The following SOX5 variants were observed in gnomAD, a reference collection of about 807,000 sequenced individuals.
The protein encoded by SOX5 is transcription factor SOX-5.
Under a neutral mutation model 92.0 loss-of-function variants are expected in SOX5, and 9 were observed. That is an observed-to-expected ratio of 0.10 (90% CI 0.06 to 0.17). The LOEUF (loss-of-function observed/expected upper bound fraction) is 0.17, where lower values mean the gene tolerates loss of function less well. SOX5 is among the 10% of genes least tolerant of loss of function. The probability of loss-of-function intolerance (pLI) is 1.00; values close to 1 mark genes in which losing one functional copy is unlikely to be tolerated. For synonymous variants in SOX5, 344 were observed against 336.3 expected (o/e 1.02, Z -0.25); for missense variants, 642 against 944.5 (o/e 0.68, Z 4.20).
intron 13 of SOX5, among the ~76,000 whole-genome samples, chr12:23,538,737 G>C (rs967177227): frequency 6.6e-6 from 1 of 150,684 alleles, no homozygotes; most frequent in African/African-American, 2.4e-5. Flanking sequence ...AAGGATGGTT[G>C]ATCTAATATA....
chr12:23,600,301 T>G (rs759467356), intron 9 of SOX5, among the ~76,000 whole-genome samples: 1 of 151,896 alleles, frequency 6.6e-6, no homozygotes, highest in Non-Finnish European at 1.5e-5. Flanking sequence ...GCTAGAATAA[T>G]ATCTGCGAAG....
chr12:23,762,699 T>G (rs551212084), intron 3 of SOX5: 2 of 444,858 alleles, frequency 4.5e-6, no homozygotes, highest in Non-Finnish European at 8.0e-6. Flanking sequence ...ACTTAAATCA[T>G]TAGTCATAGG....
intron 1 of SOX5, among the ~76,000 whole-genome samples, chr12:24,446,472 T>A (rs1342572966): frequency 6.6e-6 from 1 of 152,146 alleles, no homozygotes; most frequent in Non-Finnish European, 1.5e-5. Flanking sequence ...AAAATCAGCA[T>A]ATGGCTAAAA....
intron 1 of SOX5, among the ~76,000 whole-genome samples, chr12:24,507,312 A>G (rs1948890584): frequency 6.6e-6 from 1 of 151,876 alleles, no homozygotes; most frequent in Admixed American, 6.6e-5. Context: ...AGGTAGGTAG[A>G]TGGATGGATA....
At position 24,250,046 on chromosome 12, in the gene SOX5, G is replaced by T. The variant is rs1939717932; in HGVS notation, c.-77+27170C>A. Among the ~76,000 whole-genome samples the T allele has an allele frequency of 2.0e-5, 3 of 152,166 alleles. No homozygotes were observed. In the South Asian group the frequency reaches 6.2e-4, roughly 31 times the overall value. On this transcript the variant is annotated intron_variant, in intron 3 of 4. Coordinates refer to the SOX5 transcript ENST00000446891. ...CTGCCATTACATTCAGTGAATGAGA[G>T]AAATCATAATACTAAGGAAACAATA...
At chr12:23,756,441 A>G (rs1212817010) in intron 3 of SOX5, among the ~76,000 whole-genome samples, 1 of 151,894 alleles carries the variant, frequency 6.6e-6, no homozygotes, top group Non-Finnish European at 1.5e-5. Context: ...TTGTTTCTAC[A>G]TATAACATAG....
intron 4 of SOX5, among the ~76,000 whole-genome samples, chr12:24,035,266 A>G (rs1955911350): frequency 6.6e-6 from 1 of 152,068 alleles, no homozygotes; most frequent in Non-Finnish European, 1.5e-5. Flanking sequence ...GTCCTTTTAT[A>G]TGGATTTACT....
chr12:24,502,852 C>G (rs140601775), intron 1 of SOX5, among the ~76,000 whole-genome samples: 1 of 152,164 alleles, frequency 6.6e-6, no homozygotes, highest in East Asian at 1.9e-4. Context: ...ATCAATTTTA[C>G]GGTATTCTGG....
At chr12:24,301,362 C>T (rs1049575557) in intron 2 of SOX5, among the ~76,000 whole-genome samples, 1 of 152,174 alleles carries the variant, frequency 6.6e-6, no homozygotes, top group East Asian at 1.9e-4. Flanking sequence ...TCAGTGGATA[C>T]ATCTAACAAT....
chr12:24,306,671 C>T (rs1489142259), intron 2 of SOX5, among the ~76,000 whole-genome samples: 2 of 152,110 alleles, frequency 1.3e-5, no homozygotes, highest in African/African-American at 4.8e-5. Context: ...GGAGCATTTT[C>T]CTCTCACATC....
At chr12:23,772,471 A>G (rs138965063) in intron 3 of SOX5, among the ~76,000 whole-genome samples, 2 of 152,332 alleles carry the variant, frequency 1.3e-5, no homozygotes, top group East Asian at 3.9e-4. Context: ...TATTTGAAAT[A>G]CGTGTATGTC....
At chr12:24,428,429 A>G (rs1357263617) in intron 1 of SOX5, among the ~76,000 whole-genome samples, 1 of 152,156 alleles carries the variant, frequency 6.6e-6, no homozygotes, top group Non-Finnish European at 1.5e-5. Flanking sequence ...CATAGCAAAG[A>G]TCAACTAGAC....
chr12:24,269,567 G>A (rs1943430976), intron 3 of SOX5, among the ~76,000 whole-genome samples: 1 of 151,994 alleles, frequency 6.6e-6, no homozygotes, highest in South Asian at 2.1e-4. Context: ...ATTTTTAACA[G>A]AGAAGTACTC....
chr12:23,594,182 G>A (rs1169693910), intron 9 of SOX5, among the ~76,000 whole-genome samples: 1 of 151,836 alleles, frequency 6.6e-6, no homozygotes, highest in East Asian at 1.9e-4. Flanking sequence ...GCGAAAACCT[G>A]CTGATGAAAT....
At chr12:24,236,053 G>A (rs532627469) in intron 3 of SOX5, among the ~76,000 whole-genome samples, 70 of 152,078 alleles carry the variant, frequency 4.6e-4, no homozygotes, top group South Asian at 2.7e-3. Flanking sequence ...TTAGCCGGGC[G>A]TGGTGGCGGG....
At chr12:23,966,203 CAAAAAAAAAAAAAAAAAAAAAAAAA>C (rs869143890) in intron 4 of SOX5, among the ~76,000 whole-genome samples, 9 of 57,336 alleles carry the variant, frequency 1.6e-4, no homozygotes, top group Admixed American at 1.0e-3. Flanking sequence ...ACTCAATATC[CAAAAAAAAAAAAAAAAAAAAAAAAA>C]AAAAAAAAAA....
At chr12:23,868,651 A>G (rs557880052) in intron 2 of SOX5, among the ~76,000 whole-genome samples, 44 of 152,268 alleles carry the variant, frequency 2.9e-4, no homozygotes, top group African/African-American at 1.0e-3. Flanking sequence ...TAAGCCAAGT[A>G]CCAGCCAACA....
intron 3 of SOX5, among the ~76,000 whole-genome samples, chr12:23,793,977 C>T (rs1414568402): frequency 6.6e-6 from 1 of 152,108 alleles, no homozygotes; most frequent in Non-Finnish European, 1.5e-5. Context: ...GGTATGGTGA[C>T]TATGGCATAT....
chr12:24,331,631 C>T (rs1306322218), intron 2 of SOX5, among the ~76,000 whole-genome samples: 2 of 151,862 alleles, frequency 1.3e-5, no homozygotes, highest in Admixed American at 6.6e-5. Flanking sequence ...GGGCAGATCA[C>T]GAGGTCAGGA....
Sources: gnomAD v4.1 joint callset for allele counts (sites outside exome capture counted in the v4.1 genomes callset) on GRCh38, gnomAD v4.1.1 for gene constraint, MANE v1.5 for transcripts, NCBI Gene and HGNC (gene_info 2026-07-23, HGNC 2026-07-21) for gene names.